Variants in MLANA observed in about 807,000 individuals in gnomAD.
MLANA encodes melanoma antigen recognized by T-cells 1.
MLANA carries 21 observed loss-of-function variants against 15.7 expected under a neutral mutation model. That is an observed-to-expected ratio of 1.33 (90% confidence interval 0.95 to 1.92). MLANA has a LOEUF of 1.92. Ranked by LOEUF, MLANA falls within the 40% of genes most tolerant of loss-of-function variation. The pLI is 0.00. For missense variants in MLANA, 164 were observed against 143.8 expected, an observed-to-expected ratio of 1.14 and a Z score of -0.72; for synonymous variants, 56 against 51.5, an observed-to-expected ratio of 1.09 and a Z score of -0.37.
chr9:5,903,640 C>A (rs1832594345), intron 3 of MLANA, among the ~76,000 whole-genome samples: 1 of 152,094 alleles, frequency 6.6e-6, no homozygotes, highest in Non-Finnish European at 1.5e-5. Context: ...TTTTTCCTTG[C>A]AGTTCTATCA....
chr9:5,907,979 A>T (rs1303009617), intron 4 of MLANA, among the ~76,000 whole-genome samples: 1 of 152,200 alleles, frequency 6.6e-6, no homozygotes, highest in Non-Finnish European at 1.5e-5. Context: ...AAATAAAATT[A>T]CATAAGTGGC....
At chr9:5,904,939 A>C (rs1490344377) in intron 3 of MLANA, among the ~76,000 whole-genome samples, 3 of 151,864 alleles carry the variant, frequency 2.0e-5, no homozygotes, top group African/African-American at 7.3e-5. Flanking sequence ...ATGCCTGGCT[A>C]ATTTTTTGTA....
chr9:5,909,808 G>C lies in MLANA; in HGVS notation c.*1100G>C, dbSNP rs984034245. On this transcript the variant is annotated 3_prime_UTR_variant, in exon 5 of 5. Coordinates refer to ENST00000381477, the MANE Select transcript of MLANA (RefSeq NM_005511.2). ...AAGAATGTGCAGAAGAAATCATAAA[G>C]GATCAGAGATTCTGGAATGGTGTCA... is the stretch of plus-strand genomic sequence containing the variant. The C allele has an allele frequency of 3.9e-5, 6 of 152,190 alleles. No homozygotes were observed. Among genetic ancestry groups the C allele is most frequent in the Admixed American group, 2.6e-4 (4 of 15,282 alleles). 9.4% of individuals were successfully genotyped at this position (152,190 alleles called of 1,614,324 possible).
chr9:5,891,759 A>C (rs1831670219), intron 1 of MLANA, among the ~76,000 whole-genome samples: 1 of 152,258 alleles, frequency 6.6e-6, no homozygotes. Flanking sequence ...AGAGAGAAGC[A>C]GAAATTGACT....
At chr9:5,907,023 T>A (rs750115443) in intron 4 of MLANA, 25 bp downstream of exon 4, 1 of 1,447,762 alleles carries the variant, frequency 6.9e-7, no homozygotes, top group African/African-American at 1.5e-5. Context: ...TTCATAAGGG[T>A]ATTTTCATGA....
chr9:5,908,420 G>A (rs953624782), intron 4 of MLANA, among the ~76,000 whole-genome samples: 2 of 152,046 alleles, frequency 1.3e-5, no homozygotes, highest in African/African-American at 4.8e-5. Context: ...GAGATTTTGG[G>A]AACTCCTTAA....
In MLANA at chr9:5,894,497, A is replaced by C. The variant is rs1270084914; in HGVS notation, c.77+1946A>C. On this transcript the variant is annotated intron_variant, in intron 2 of 4. Transcript: ENST00000381477. This position sits in a 1 kb window ranked among gnomAD's most constrained non-coding sequence, Gnocchi z 4.0. ...AGTTGGGAGGAGGGACGCCACAGAA[A>C]TGGGACCCAGATCTCTAAGGAGAGA... 1.3e-5 allele frequency among the ~76,000 whole-genome samples: 2 copies of C among 152,118 alleles called. No homozygotes were observed. The highest frequency in any genetic ancestry group is 3.9e-4 in the East Asian group (2 of 5,190).
At chr9:5,907,868 A>C (rs1187967727) in intron 4 of MLANA, among the ~76,000 whole-genome samples, 4 of 152,164 alleles carry the variant, frequency 2.6e-5, no homozygotes, top group Non-Finnish European at 5.9e-5. Flanking sequence ...CAGGAGAATC[A>C]CTTGAACCCG....
At chr9:5,892,841 C>G (rs571811743) in intron 2 of MLANA, among the ~76,000 whole-genome samples, 4 of 152,306 alleles carry the variant, frequency 2.6e-5, no homozygotes, top group African/African-American at 9.6e-5. Context: ...AGTGGAAAAA[C>G]ATCTGTTCAG....
intron 2 of MLANA, among the ~76,000 whole-genome samples, chr9:5,895,525 C>A (rs1348792339): frequency 6.6e-6 from 1 of 152,062 alleles, no homozygotes; most frequent in African/African-American, 2.4e-5. Context: ...AAGAATGATG[C>A]AAAATAAGTT....
chr9:5,908,832 T>G lies in MLANA; in HGVS notation c.*124T>G, dbSNP rs1461089657. 5.8e-6 allele frequency: 5 copies of G among 858,614 alleles called. No individual in the cohort carries two copies. In the South Asian group the frequency reaches 6.5e-5, roughly 11 times the overall value. The allele number at this position is 858,614 out of a possible 1,614,324, so 53.2% of individuals were successfully genotyped here. ...GAAAAATGCAAGCCATCTCTAATAA[T>G]AAGTCAGTGTTAAAATTTTAGTAGG... On this transcript the variant is annotated 3_prime_UTR_variant, in exon 5 of 5. Coordinates refer to ENST00000381477, the MANE Select transcript of MLANA (RefSeq NM_005511.2).
intron 3 of MLANA, among the ~76,000 whole-genome samples, chr9:5,906,316 T>C (rs1022934289): frequency 2.6e-4 from 38 of 143,736 alleles, no homozygotes; most frequent in Non-Finnish European, 4.8e-4. Flanking sequence ...GGCAACAGAG[T>C]GAGACTCTGT....
At chr9:5,892,758 G>A (rs1426582535) in intron 2 of MLANA, among the ~76,000 whole-genome samples, 1 of 152,180 alleles carries the variant, frequency 6.6e-6, no homozygotes, top group Non-Finnish European at 1.5e-5. Flanking sequence ...CAGGAAGATG[G>A]GAATGGTATA....
chr9:5,906,518 C>T (rs755389455), intron 3 of MLANA, among the ~76,000 whole-genome samples: 3 of 152,166 alleles, frequency 2.0e-5, no homozygotes, highest in African/African-American at 7.2e-5. Context: ...TCAATTTTTG[C>T]TTGACAAAGT....
chr9:5,891,854 C>G (rs951622936), intron 1 of MLANA, among the ~76,000 whole-genome samples: 1 of 152,186 alleles, frequency 6.6e-6, no homozygotes, highest in African/African-American at 2.4e-5. Flanking sequence ...TGGGGACAGG[C>G]TGAAGCCCCT....
intron 2 of MLANA, among the ~76,000 whole-genome samples, chr9:5,896,225 G>A (rs1007899262): frequency 6.6e-6 from 1 of 152,200 alleles, no homozygotes; most frequent in Non-Finnish European, 1.5e-5. Flanking sequence ...TCCTAACTCC[G>A]AGGACTGTGG....
intron 3 of MLANA, among the ~76,000 whole-genome samples, chr9:5,903,606 C>A (rs1586951522): frequency 6.6e-6 from 1 of 152,152 alleles, no homozygotes; most frequent in South Asian, 2.1e-4. Flanking sequence ...AACTGTAACT[C>A]CAACTTCATA....
Position 5,908,932 on chromosome 9 carries a change from C to T in MLANA, c.*224C>T, listed in dbSNP as rs1466908493. 1 of 536,714 alleles carries T rather than the reference C, an allele frequency of 1.9e-6. No individual in the cohort carries two copies. Among genetic ancestry groups the T allele is most frequent in the Non-Finnish European group, 3.3e-6 (1 of 303,582 alleles). 33.2% of individuals were successfully genotyped at this position (536,714 alleles called of 1,614,324 possible). ...GGGAAAACTCCATCAATAAATGTTG[C>T]AATGCATGATACTATCTGTGCCAGA... On this transcript the variant is annotated 3_prime_UTR_variant, in exon 5 of 5. Coordinates refer to ENST00000381477, the MANE Select transcript of MLANA (RefSeq NM_005511.2).
At chr9:5,892,332 A>G (rs1399084473) in intron 1 of MLANA, 118 bp from the exon 2 acceptor site, 2 of 565,626 alleles carry the variant, frequency 3.5e-6, no homozygotes, top group Non-Finnish European at 2.9e-6. Flanking sequence ...GAGAGAAACC[A>G]AAGGGTCCTG....
Sources: allele counts gnomAD v4.1 joint callset (sites outside exome capture counted in the v4.1 genomes callset), GRCh38; gene constraint gnomAD v4.1.1; non-coding constraint Gnocchi (gnomAD v3.1); transcripts MANE v1.5; gene names NCBI Gene and HGNC (gene_info 2026-07-23, HGNC 2026-07-21).